Variants in TMEM117 observed in about 807,000 individuals in gnomAD.
TMEM117 encodes transmembrane protein 117.
TMEM117 carries 27 observed loss-of-function variants against 52.4 expected under a neutral mutation model. That is an observed-to-expected ratio of 0.51 (90% CI 0.38 to 0.71). The LOEUF (loss-of-function observed/expected upper bound fraction) is 0.71, where lower values mean the gene tolerates loss of function less well. Among genes scored for constraint, TMEM117 ranks in the 30% least tolerant of loss-of-function variants. The pLI, the probability that TMEM117 is intolerant of heterozygous loss-of-function variation, is 0.00. For synonymous variants in TMEM117, 215 were observed against 206.3 expected, an observed-to-expected ratio of 1.04 and a Z score of -0.36; for missense variants, 556 against 630.5, an observed-to-expected ratio of 0.88 and a Z score of 1.26.
intron 3 of TMEM117, among the ~76,000 whole-genome samples, chr12:44,052,207 T>C (rs1030619148): frequency 2.0e-5 from 3 of 152,208 alleles, no homozygotes; most frequent in Admixed American, 2.0e-4. Context: ...TATTTTTAGC[T>C]TCAGTACTAT....
chr12:43,960,192 A>C (rs1945379047), intron 3 of TMEM117, among the ~76,000 whole-genome samples: 2 of 152,144 alleles, frequency 1.3e-5, no homozygotes, highest in South Asian at 4.1e-4. Context: ...GGCTGGGAGT[A>C]AGGGGCAGAG....
chr12:43,989,827 C>A (rs1368524030), intron 3 of TMEM117, among the ~76,000 whole-genome samples: 6 of 151,970 alleles, frequency 3.9e-5, no homozygotes, highest in Non-Finnish European at 5.9e-5. Context: ...AGTAATTGAT[C>A]TTCATTTAAG....
At chr12:44,051,910 A>C (rs549652171) in intron 3 of TMEM117, among the ~76,000 whole-genome samples, 16 of 152,326 alleles carry the variant, frequency 1.1e-4, no homozygotes, top group African/African-American at 3.8e-4. Flanking sequence ...TGCAGTGGGC[A>C]AGTCAACATG....
intron 3 of TMEM117, among the ~76,000 whole-genome samples, chr12:43,991,352 G>A (rs754386620): frequency 6.6e-6 from 1 of 152,056 alleles, no homozygotes; most frequent in Non-Finnish European, 1.5e-5. Context: ...GTCTCCATTT[G>A]AGCACCTCGG....
intron 5 of TMEM117, chr12:44,244,568 A>T (rs1950105787): frequency 2.6e-5 from 4 of 151,862 alleles, no homozygotes; most frequent in Admixed American, 1.3e-4. Context: ...AATATTGAAT[A>T]GTTTGAGTTC....
chr12:43,799,351 T>C, the TMEM117 span: 1 of 1,278,446 alleles, frequency 7.8e-7, no homozygotes, highest in South Asian at 1.4e-5. Flanking sequence ...AAATACAGTA[T>C]TTTCAAACAC....
intron 2 of TMEM117, among the ~76,000 whole-genome samples, chr12:43,915,412 T>C (rs1944584370): frequency 1.3e-5 from 2 of 152,208 alleles, no homozygotes; most frequent in African/African-American, 4.8e-5. Context: ...CTCAAGGTTA[T>C]TTTGTTTCTA....
chr12:44,045,424 G>A (rs1946865648), intron 3 of TMEM117, among the ~76,000 whole-genome samples: 1 of 152,210 alleles, frequency 6.6e-6, no homozygotes, highest in African/African-American at 2.4e-5. Flanking sequence ...CTCCGGATAT[G>A]GGTTTACCTA....
At chr12:44,275,413 G>T (rs758107951) in intron 5 of TMEM117, among the ~76,000 whole-genome samples, 8 of 151,924 alleles carry the variant, frequency 5.3e-5, no homozygotes, top group Non-Finnish European at 1.2e-4. Flanking sequence ...TAAAAATAGA[G>T]CTACCATATG....
chr12:43,927,824 T>C (rs1415510940), intron 2 of TMEM117, among the ~76,000 whole-genome samples: 1 of 152,068 alleles, frequency 6.6e-6, no homozygotes, highest in Non-Finnish European at 1.5e-5. Flanking sequence ...CAAACACACA[T>C]CTTTGGATTT....
intron 4 of TMEM117, among the ~76,000 whole-genome samples, chr12:44,163,304 T>C (rs1284805368): frequency 6.6e-6 from 1 of 152,210 alleles, no homozygotes; most frequent in African/African-American, 2.4e-5. Flanking sequence ...TACAAGATGA[T>C]CTCGTGACAT....
chr12:43,837,895 C>T (rs1340529541), intron 1 of TMEM117, among the ~76,000 whole-genome samples: 4 of 152,114 alleles, frequency 2.6e-5, no homozygotes, highest in African/African-American at 9.7e-5. Context: ...GAAGAAAAAT[C>T]ACTTAAAGGT....
chr12:44,373,769 T>TC (rs1951897754), intron 6 of TMEM117, among the ~76,000 whole-genome samples: 1 of 141,406 alleles, frequency 7.1e-6, no homozygotes, highest in African/African-American at 2.7e-5. Flanking sequence ...GATGTCCATT[T>TC]CCTTTTTTTT....
rs61599142 is a variant in TMEM117, at chr12:44,009,974, G to A, written c.410+65632G>A. ...CCTCTGGCGTTCCAGTTGCTTCATC[G>A]TATCAGAAGGTCTGGAAGTGCCTGT... On this transcript the variant is annotated intron_variant, in intron 3 of 7. Coordinates refer to ENST00000266534, the MANE Select transcript of TMEM117 (RefSeq NM_032256.3). The A allele has an allele frequency of 2.2e-3, 642 of 287,684 alleles. 6 individuals are homozygous for A. Among genetic ancestry groups the A allele is most frequent in the African/African-American group, 0.013 (599 of 44,376 alleles). The allele number at this position is 287,684 out of a possible 1,614,324, so 17.8% of individuals were successfully genotyped here.
chr12:44,263,956 A>G (rs1950348920), intron 5 of TMEM117: 1 of 152,238 alleles, frequency 6.6e-6, no homozygotes, highest in African/African-American at 2.4e-5. Flanking sequence ...TCAGAGCAAT[A>G]GAATTGTGTG....
At chr12:43,818,240 C>A in the TMEM117 span, among the ~76,000 whole-genome samples, 1 of 152,270 alleles carries the variant, frequency 6.6e-6, no homozygotes, top group African/African-American at 2.4e-5. Context: ...TTGAGTGCAT[C>A]AAATTTCCTG....
intron 3 of TMEM117, chr12:44,073,581 T>C (rs779890384): frequency 1.3e-5 from 2 of 152,240 alleles, no homozygotes; most frequent in Non-Finnish European, 2.9e-5. Context: ...TTTAAAAGTG[T>C]ATTGAAAGTC....
At chr12:44,149,811 A>G (rs1948695567) in intron 4 of TMEM117, among the ~76,000 whole-genome samples, 1 of 152,242 alleles carries the variant, frequency 6.6e-6, no homozygotes, top group South Asian at 2.1e-4. Flanking sequence ...TTTCAAAATG[A>G]CAGAATAAGA....
intron 3 of TMEM117, among the ~76,000 whole-genome samples, chr12:44,054,369 G>C (rs1407955180): frequency 6.6e-6 from 1 of 152,054 alleles, no homozygotes; most frequent in Non-Finnish European, 1.5e-5. Context: ...TTCTTGAAAG[G>C]CTGCTCTTTT....
Sources: allele counts gnomAD v4.1 joint callset (sites outside exome capture counted in the v4.1 genomes callset), GRCh38; gene constraint gnomAD v4.1.1; transcripts MANE v1.5; gene names NCBI Gene and HGNC (gene_info 2026-07-23, HGNC 2026-07-21).